Variants in AK4 observed in about 807,000 individuals in gnomAD.
AK4 encodes adenylate kinase 4.
In AK4, 13 loss-of-function variants were observed where a neutral mutation model predicts 24.6. That is an observed-to-expected ratio of 0.53 (90% confidence interval 0.34 to 0.84). AK4 has a LOEUF of 0.84. Ranked by LOEUF, AK4 falls within the 40% of genes least tolerant of loss-of-function variation. The probability of loss-of-function intolerance (pLI) is 0.01; values close to 1 mark genes in which losing one functional copy is unlikely to be tolerated. For synonymous variants in AK4, 88 were observed against 107.0 expected (o/e 0.82, Z 1.10); for missense variants, 192 against 288.2 (o/e 0.67, Z 2.42).
intron 1 of AK4, among the ~76,000 whole-genome samples, chr1:65,185,002 G>C (rs1026030989): frequency 1.3e-5 from 2 of 152,172 alleles, no homozygotes; most frequent in African/African-American, 4.8e-5. Context: ...ATTAGAGTAA[G>C]ATGCCTCTGG....
intron 1 of AK4, among the ~76,000 whole-genome samples, chr1:65,159,765 C>T (rs1007771237): frequency 4.6e-5 from 7 of 151,442 alleles, no homozygotes; most frequent in South Asian, 2.1e-4. Flanking sequence ...GTCAGGAATT[C>T]GAGACCAGCC....
At chr1:65,184,184 A>C (rs1346884736) in intron 1 of AK4, among the ~76,000 whole-genome samples, 1 of 152,180 alleles carries the variant, frequency 6.6e-6, no homozygotes, top group African/African-American at 2.4e-5. Flanking sequence ...TGTTAAGATG[A>C]ATTGCCACAA....
intron 2 of AK4, among the ~76,000 whole-genome samples, chr1:65,198,023 T>C (rs1316803681): frequency 6.6e-6 from 1 of 152,206 alleles, no homozygotes; most frequent in Non-Finnish European, 1.5e-5. Flanking sequence ...GAATTCTGCT[T>C]TCATAATTAA....
At chr1:65,173,665 G>A (rs1297904155) in intron 1 of AK4, among the ~76,000 whole-genome samples, 2 of 152,070 alleles carry the variant, frequency 1.3e-5, no homozygotes, top group African/African-American at 2.4e-5. Context: ...TCAGGAGTTC[G>A]AGCCTGGGCG....
At chr1:65,191,109 A>G (rs1238920679) in intron 2 of AK4, among the ~76,000 whole-genome samples, 1 of 152,222 alleles carries the variant, frequency 6.6e-6, no homozygotes. Context: ...CATCCTGAGT[A>G]TAACTCCTCT....
chr1:65,198,157 G>C (rs1387542402), intron 2 of AK4, among the ~76,000 whole-genome samples: 1 of 152,142 alleles, frequency 6.6e-6, no homozygotes, highest in East Asian at 1.9e-4. Flanking sequence ...TCTATCTCAG[G>C]TTGTTACTAA....
chr1:65,203,832 C>CATTA lies in AK4; in HGVS notation c.265+13005_265+13008dup, dbSNP rs555343545. On this transcript the variant is annotated intron_variant, in intron 2 of 4. Transcript: ENST00000327299. ...AAGAAAAAAAAAATCACCCCTCCTC[C>CATTA]ATTAAACCTTGTGTAGTAATGTAAA... is the stretch of plus-strand genomic sequence containing the variant. Among the ~76,000 whole-genome samples the CATTA allele has an allele frequency of 2.0e-5, 3 of 152,060 alleles. No homozygotes were observed. The South Asian group carries it at 6.2e-4, about 32-fold the overall frequency.
At position 65,229,276 on chromosome 1, in the gene AK4, G is replaced by T. The variant is rs1652562507; in HGVS notation, c.*3099G>T. On this transcript the variant is annotated 3_prime_UTR_variant, in exon 5 of 5. Transcript: ENST00000327299. ...CAAGAAATGGAGCTAGTCCATGTCT[G>T]TAGTCCCAATGCTTTGGGAAGCCAT... 1 of 152,202 alleles carries T rather than the reference G, an allele frequency of 6.6e-6. No individual in the cohort carries two copies. Among genetic ancestry groups the T allele is most frequent in the Non-Finnish European group, 1.5e-5 (1 of 68,058 alleles). 9.4% of individuals were successfully genotyped at this position (152,202 alleles called of 1,614,324 possible). A position where few individuals can be genotyped will look rare whatever the true frequency, so the allele number is the denominator to read the frequency against.
At position 65,230,451 on chromosome 1, in the gene AK4, A is replaced by G. The variant is rs772053994; in HGVS notation, c.*4274A>G. The G allele has an allele frequency of 5.9e-5, 9 of 152,228 alleles. No individual in the cohort carries two copies. Among genetic ancestry groups the G allele is most frequent in the Non-Finnish European group, 1.3e-4 (9 of 68,036 alleles). 9.4% of individuals were successfully genotyped at this position (152,228 alleles called of 1,614,324 possible). Reference sequence around the variant, plus strand: ...CCTGCTGGAGGTCTTTGCTCAAATAATAAATACCACATATTTCCAAGTGTG... The same window carrying G: ...CCTGCTGGAGGTCTTTGCTCAAATAGTAAATACCACATATTTCCAAGTGTG... On this transcript the variant is annotated 3_prime_UTR_variant, in exon 5 of 5. Transcript: ENST00000327299.
intron 1 of AK4, among the ~76,000 whole-genome samples, chr1:65,185,963 C>CT (rs1166676263): frequency 3.9e-5 from 6 of 151,936 alleles, no homozygotes; most frequent in African/African-American, 7.3e-5. Context: ...TATCATACCT[C>CT]TTTTCAAAAG....
intron 1 of AK4, among the ~76,000 whole-genome samples, chr1:65,158,348 T>C (rs1014725565): frequency 5.9e-5 from 9 of 152,192 alleles, no homozygotes; most frequent in Non-Finnish European, 1.3e-4. Context: ...TTAAATGGTA[T>C]TATATTATGC....
intron 2 of AK4, among the ~76,000 whole-genome samples, chr1:65,211,336 A>G (rs1185013051): frequency 6.6e-6 from 1 of 152,248 alleles, no homozygotes; most frequent in Non-Finnish European, 1.5e-5. Flanking sequence ...CTGTGCGTGT[A>G]GCACTGGATC....
intron 1 of AK4, among the ~76,000 whole-genome samples, chr1:65,188,204 G>C (rs954016496): frequency 6.6e-6 from 1 of 152,068 alleles, no homozygotes; most frequent in Admixed American, 6.6e-5. Flanking sequence ...TGACCAGCCT[G>C]GCCAACATGG....
intron 1 of AK4, among the ~76,000 whole-genome samples, chr1:65,162,233 G>A (rs1650191441): frequency 6.6e-6 from 1 of 152,134 alleles, no homozygotes. Flanking sequence ...GCGATACAGT[G>A]AGAAGTGTCT....
At chr1:65,217,511 A>T (rs189493400) in intron 2 of AK4, among the ~76,000 whole-genome samples, 42 of 152,246 alleles carry the variant, frequency 2.8e-4, no homozygotes, top group Admixed American at 2.4e-3. Context: ...ATATAAAGAC[A>T]TTTTTTTAGA....
chr1:65,203,006 G>C (rs1046739193), intron 2 of AK4, among the ~76,000 whole-genome samples: 8 of 151,250 alleles, frequency 5.3e-5, no homozygotes, highest in African/African-American at 1.5e-4. Flanking sequence ...CTGAGTAGCT[G>C]AGACTACAGA....
chr1:65,197,505 C>T (rs1258983394), intron 2 of AK4, among the ~76,000 whole-genome samples: 3 of 152,120 alleles, frequency 2.0e-5, no homozygotes, highest in African/African-American at 7.2e-5. Flanking sequence ...GTATTTAGAA[C>T]CTGGTTTGTT....
intron 2 of AK4, among the ~76,000 whole-genome samples, chr1:65,194,789 A>G (rs1570113263): frequency 6.6e-6 from 1 of 152,332 alleles, no homozygotes; most frequent in Admixed American, 6.5e-5. Flanking sequence ...AAGAAGATTC[A>G]GACCTTCCCT....
chr1:65,158,302 A>AT (rs1208819809), intron 1 of AK4, among the ~76,000 whole-genome samples: 2 of 152,164 alleles, frequency 1.3e-5, no homozygotes, highest in Non-Finnish European at 2.9e-5. Flanking sequence ...GGCATGTTGA[A>AT]TTACCTGTTC....
Sources: gnomAD v4.1 joint callset for allele counts (sites outside exome capture counted in the v4.1 genomes callset) on GRCh38, gnomAD v4.1.1 for gene constraint, MANE v1.5 for transcripts, NCBI Gene and HGNC (gene_info 2026-07-23, HGNC 2026-07-21) for gene names.